Variants in TMEM237 observed in about 807,000 individuals in gnomAD.
TMEM237 encodes amyotrophic lateral sclerosis 2 (juvenile) chromosome region, candidate 4.
Under a neutral mutation model 59.1 loss-of-function variants are expected in TMEM237, and 51 were observed. The observed-to-expected ratio is 0.86, with a 90% CI of 0.69 to 1.09. The LOEUF (loss-of-function observed/expected upper bound fraction) is 1.09. Among genes scored for constraint, TMEM237 ranks in the 50% least tolerant of loss-of-function variants. The pLI is 0.00. For missense variants in TMEM237, 475 were observed against 478.3 expected, an observed-to-expected ratio of 0.99 and a Z score of 0.06; for synonymous variants, 140 against 166.1, an observed-to-expected ratio of 0.84 and a Z score of 1.21.
Position 201,623,658 on chromosome 2 carries a change from T to C in TMEM237, c.*597A>G, listed in dbSNP as rs1486504602. On this transcript the variant is annotated 3_prime_UTR_variant, in exon 13 of 13. Transcript: ENST00000409883. ...TACAGATTATAATGAGAAGCAACTT[T>C]TTAGTTACTTCTAGGTAAAAAATTT... 1.3e-5 allele frequency: 2 copies of C among 152,398 alleles called. No individual in the cohort carries two copies. The allele number at this position is 152,398 out of a possible 1,614,324, so 9.4% of individuals were successfully genotyped here.
chr2:201,629,555 T>A, intron 8 of TMEM237, 134 bp from the exon 9 acceptor site: 1 of 1,271,340 alleles, frequency 7.9e-7, no homozygotes, highest in Non-Finnish European at 1.1e-6. Flanking sequence ...TTCTTTTTAG[T>A]TACACTGATA....
chr2:201,643,231 C>T lies in TMEM237; in HGVS notation c.42+128G>A. ...ACACTGGAGGGGCGGATGCGCGCAC[C>T]CCACGAGCAAGGCCCTCCCTTAGTG... is the stretch of plus-strand genomic sequence containing the variant. On this transcript the variant is annotated intron_variant, in intron 1 of 12. Coordinates refer to ENST00000409883, the MANE Select transcript of TMEM237 (RefSeq NM_001044385.3). The surrounding 1 kb of genome is among the most constrained non-coding windows in gnomAD (Gnocchi z 4.3). The T allele has an allele frequency of 9.3e-7, 1 of 1,071,686 alleles. No homozygotes were observed. Among genetic ancestry groups the T allele is most frequent in the Non-Finnish European group, 1.3e-6 (1 of 744,530 alleles). 66.4% of individuals were successfully genotyped at this position (1,071,686 alleles called of 1,614,324 possible).
chr2:201,621,790 T>C lies in TMEM237; in HGVS notation c.*2465A>G, dbSNP rs527921749. 9.8e-5 allele frequency: 15 copies of C among 152,638 alleles called. No homozygotes were observed. The highest frequency in any genetic ancestry group is 1.3e-4 in the Non-Finnish European group (9 of 68,040). 9.5% of individuals were successfully genotyped at this position (152,638 alleles called of 1,614,324 possible). A position where few individuals can be genotyped will look rare whatever the true frequency, so the allele number is the denominator to read the frequency against. ...ATGAGAAACCATGATGCCCTACCAA[T>C]TGGACTGGATCAGCTTGCATGTCAA... On this transcript the variant is annotated 3_prime_UTR_variant, in exon 13 of 13. Transcript: ENST00000409883.
In TMEM237 at chr2:201,635,487, C is replaced by T. The variant is rs1267154810; in HGVS notation, c.274+1261G>A. On this transcript the variant is annotated intron_variant, in intron 5 of 12. Coordinates refer to ENST00000409883, the MANE Select transcript of TMEM237 (RefSeq NM_001044385.3). This position sits in a 1 kb window ranked among gnomAD's most constrained non-coding sequence, Gnocchi z 4.5. ...TAAGAAGCTAGAAGAAATGGCCAGG[C>T]GCGGTGGCTCACACCTGTAATCCCA... 1.3e-5 allele frequency among the ~76,000 whole-genome samples: 2 copies of T among 152,180 alleles called. 1 individual carries two copies. Among genetic ancestry groups the T allele is most frequent in the African/African-American group, 4.8e-5 (2 of 41,458 alleles).
rs1160664228 is a variant in TMEM237 at position 201,621,982 on chromosome 2, C to T, written c.*2273G>A. 3 of 152,196 alleles carry T rather than the reference C, an allele frequency of 2.0e-5. No individual in the cohort carries two copies. Among genetic ancestry groups the T allele is most frequent in the African/African-American group, 4.8e-5 (2 of 41,432 alleles). The allele number at this position is 152,196 out of a possible 1,614,324, so 9.4% of individuals were successfully genotyped here. On this transcript the variant is annotated 3_prime_UTR_variant, in exon 13 of 13. Transcript: ENST00000409883. The stretch of plus-strand genomic sequence containing the variant: ...TCACAGTCAAACAATTTTTGAGACA[C>T]ACCAGAAACACCAGGGAAAACAGAG...
At chr2:201,642,841 A>G (rs1687457934) in intron 1 of TMEM237, 1 of 1,343,782 alleles carries the variant, frequency 7.4e-7, no homozygotes, top group Non-Finnish European at 9.5e-7. Context: ...GGGGCCTCGG[A>G]GTTGGGGGTA....
chr2:201,635,762 T>TAAA lies in TMEM237; in HGVS notation c.274+983_274+985dup, dbSNP rs11453635. On this transcript the variant is annotated intron_variant, in intron 5 of 12. Transcript: ENST00000409883. The surrounding 1 kb of genome is among the most constrained non-coding windows in gnomAD (Gnocchi z 4.5). ...GGGCTATAAGAGTGAAACTCCATCT[T>TAAA]AAAAAAAAAAAAAAAGAGGCTCGAA... 2.8e-5 allele frequency among the ~76,000 whole-genome samples: 4 copies of TAAA among 142,460 alleles called. No individual in the cohort carries two copies. The highest frequency in any genetic ancestry group is 3.1e-5 in the Non-Finnish European group (2 of 65,448). The allele number at this position is 142,460 out of a possible 152,430, so 93.5% of individuals were successfully genotyped here.
At chr2:201,632,689 T>C (rs1957818701) in intron 6 of TMEM237, among the ~76,000 whole-genome samples, 1 of 152,184 alleles carries the variant, frequency 6.6e-6, no homozygotes, top group African/African-American at 2.4e-5. Flanking sequence ...TGATAGTAAG[T>C]TTCCTGAGGC....
intron 6 of TMEM237, 24 bp downstream of exon 6, chr2:201,633,286 GT>G: frequency 6.3e-7 from 1 of 1,585,582 alleles, no homozygotes; most frequent in South Asian, 1.2e-5. Flanking sequence ...CTGGAGAATA[GT>G]TAGAAGAATA....
chr2:201,640,644 C>T (rs887005131), intron 2 of TMEM237, among the ~76,000 whole-genome samples: 1 of 151,580 alleles, frequency 6.6e-6, no homozygotes, highest in Admixed American at 6.6e-5. Context: ...GACACCAAAA[C>T]AGTTAGAAAG....
At chr2:201,631,356 C>A (rs1172005313) in intron 7 of TMEM237, 1 of 152,176 alleles carries the variant, frequency 6.6e-6, no homozygotes, top group African/African-American at 2.4e-5. Flanking sequence ...GTGGTTTAAG[C>A]CACTTAGTCG....
intron 6 of TMEM237, 87 bp downstream of exon 6, chr2:201,633,224 A>T: frequency 2.9e-6 from 4 of 1,382,630 alleles, no homozygotes; most frequent in Non-Finnish European, 3.9e-6. Flanking sequence ...ATGTAATAAG[A>T]CTTAATGAGA....
At position 201,626,008 on chromosome 2, in the gene TMEM237, A is replaced by T; in HGVS notation, c.1159+18T>A. On this transcript the variant is annotated intron_variant, in intron 12 of 12. Coordinates refer to ENST00000409883, the MANE Select transcript of TMEM237 (RefSeq NM_001044385.3). The stretch of plus-strand genomic sequence containing the variant: ...GAAGATTTCAGGATATTCTTATGCT[A>T]TTTTTTTTCTTTAATACCTTCACTA... 6.4e-7 allele frequency: 1 copy of T among 1,556,830 alleles called. No homozygotes were observed. The highest frequency in any genetic ancestry group is 2.4e-5 in the East Asian group (1 of 41,936).
In TMEM237 at chr2:201,623,287, T is replaced by C; in HGVS notation, c.*968A>G. The C allele has an allele frequency of 2.5e-6, 1 of 405,650 alleles. No individual in the cohort carries two copies. 25.1% of individuals were successfully genotyped at this position (405,650 alleles called of 1,614,324 possible). Reference sequence around the variant, plus strand: ...CCCATAGCTAGTCTTCTCCTCAACTTGAGCTTTAGGGTCTCATATACAACA... The same window carrying C: ...CCCATAGCTAGTCTTCTCCTCAACTCGAGCTTTAGGGTCTCATATACAACA... On this transcript the variant is annotated 3_prime_UTR_variant, in exon 13 of 13. Coordinates refer to ENST00000409883, the MANE Select transcript of TMEM237 (RefSeq NM_001044385.3).
intron 5 of TMEM237, among the ~76,000 whole-genome samples, chr2:201,636,019 C>T (rs1291201553): frequency 6.6e-6 from 1 of 152,188 alleles, no homozygotes; most frequent in Non-Finnish European, 1.5e-5. Context: ...TTTAATAATA[C>T]ACAACTGATG....
Position 201,629,345 on chromosome 2 carries a change from C to T in TMEM237, c.754G>A (p.Gly252Arg). The T allele has an allele frequency of 2.5e-6, 4 of 1,610,668 alleles. No homozygotes were observed. The highest frequency in any genetic ancestry group is 3.4e-6 in the Non-Finnish European group (4 of 1,178,808). ...WNIVVIYVLA[G>R]DQLSNLSNLL... ...TTTGAGAGGTTGGATAGCTGATCTC[C>T]TGCTAGAACATATATCACAACAATA... Residue 252 changes from glycine (G) to arginine (R), a missense_variant, in exon 9 of 13, where the codon GGA (glycine) becomes AGA (arginine). Physicochemically the swap from Gly to Arg is moderately radical, Grantham distance 125 (BLOSUM62 -2). Transcript: ENST00000409883.
chr2:201,631,087 A>G (rs1235967536), intron 7 of TMEM237: 4 of 152,136 alleles, frequency 2.6e-5, no homozygotes, highest in Admixed American at 1.3e-4. Flanking sequence ...CCAAAAATTC[A>G]TATGTTGAAG....
Position 201,642,391 on chromosome 2 carries a change from T to C in TMEM237, c.42+968A>G, listed in dbSNP as rs79383733. On this transcript the variant is annotated intron_variant, in intron 1 of 12. Coordinates refer to ENST00000409883, the MANE Select transcript of TMEM237 (RefSeq NM_001044385.3). Reference sequence around the variant, plus strand: ...TACCATCCAGTAGTCAAAATTACAATTGGAGAAGAATGACAGTCACAGGAA... The same window carrying C: ...TACCATCCAGTAGTCAAAATTACAACTGGAGAAGAATGACAGTCACAGGAA... Among the ~76,000 whole-genome samples the C allele has an allele frequency of 0.019, 2,946 of 152,236 alleles. 98 individuals are homozygous for C. The highest frequency in any genetic ancestry group is 0.067 in the African/African-American group (2,794 of 41,528).
chr2:201,643,281 C>T lies in TMEM237; in HGVS notation c.42+78G>A, dbSNP rs191676728. 21 of 1,335,568 alleles carry T rather than the reference C, an allele frequency of 1.6e-5. No homozygotes were observed. Among genetic ancestry groups the T allele is most frequent in the Admixed American group, 6.1e-5 (3 of 48,908 alleles). 82.7% of individuals were successfully genotyped at this position (1,335,568 alleles called of 1,614,324 possible). ...GATTCCCAGCTCGTTGGCGCCCCCC[C>T]ACACACACCCACCCCCACTGCCAAG... On this transcript the variant is annotated intron_variant, in intron 1 of 12. Coordinates refer to ENST00000409883, the MANE Select transcript of TMEM237 (RefSeq NM_001044385.3). The surrounding 1 kb of genome is among the most constrained non-coding windows in gnomAD (Gnocchi z 4.3).
Sources: allele counts gnomAD v4.1 joint callset (sites outside exome capture counted in the v4.1 genomes callset), GRCh38; gene constraint gnomAD v4.1.1; non-coding constraint Gnocchi (gnomAD v3.1); transcripts MANE v1.5; gene names NCBI Gene and HGNC (gene_info 2026-07-23, HGNC 2026-07-21).